PDE4A: variants seen among roughly 807,000 people sequenced by gnomAD.
PDE4A encodes 3',5'-cyclic-AMP phosphodiesterase 4A.
A neutral mutation model predicts 73.9 loss-of-function variants in PDE4A; 21 were observed. The observed-to-expected ratio is 0.28, with a 90% confidence interval of 0.20 to 0.41. The LOEUF is 0.41. Among genes scored for constraint, PDE4A ranks in the 10% least tolerant of loss-of-function variants. PDE4A has a pLI of 1.00. For missense variants in PDE4A, 958 were observed against 1,211.4 expected (o/e 0.79, Z 3.10); for synonymous variants, 463 against 505.4 (o/e 0.92, Z 1.13).
intron 4 of PDE4A, among the ~76,000 whole-genome samples, chr19:10,449,931 A>G (rs1427911672): frequency 1.8e-5 from 2 of 112,376 alleles, no homozygotes; most frequent in African/African-American, 3.1e-5. Flanking sequence ...CCCTGTCTCT[A>G]AAAAAAAAAA....
rs74505974 is a variant in PDE4A at position 10,458,386 on chromosome 19, C to G, written c.1101+284C>G. ...GCTGTGAGCCTTAGCAGGCAACACT[C>G]CCAGCTGCAGAGGGATTGGTGTACA... On this transcript the variant is annotated intron_variant, in intron 8 of 14. Transcript: ENST00000380702. This position sits in a 1 kb window ranked among gnomAD's most constrained non-coding sequence, Gnocchi z 4.6. Among the ~76,000 whole-genome samples, 16,913 of 152,200 alleles carry G rather than the reference C, an allele frequency of 0.11. 1,085 individuals are homozygous for G. The highest frequency in any genetic ancestry group is 0.2 in the South Asian group (983 of 4,824).
chr19:10,454,267 C>T (rs1599442181), intron 6 of PDE4A, among the ~76,000 whole-genome samples: 1 of 152,176 alleles, frequency 6.6e-6, no homozygotes, highest in African/African-American at 2.4e-5. Flanking sequence ...ACCTTTTTGT[C>T]CCCCAGAGCT....
In PDE4A at chr19:10,467,226, C is replaced by G. The variant is rs200818903; in HGVS notation, c.2266C>G (p.Pro756Ala). 1.9e-6 allele frequency: 3 copies of G among 1,614,166 alleles called. No homozygotes were observed. Among genetic ancestry groups the G allele is most frequent in the African/African-American group, 2.7e-5 (2 of 75,058 alleles). ...TGCAACCATAGCCTGGGAGGCATCC[C>G]CGGCCCAGGAGTCGTTGGAAGTTAT... ...LDATIAWEAS[P>A]AQESLEVMAQ... Residue 756 changes from proline (P) to alanine (A), a missense_variant, in exon 15 of 15, where the codon CCG (proline) becomes GCG (alanine). Physicochemically the swap from Pro to Ala is conservative, Grantham distance 27 (BLOSUM62 -1). Around this residue, in one of 3 missense-constraint regions of PDE4A, gnomAD observed 243 missense variants for 245.9 expected, o/e 0.99. Coordinates refer to ENST00000380702, the MANE Select transcript of PDE4A (RefSeq NM_001111307.2).
chr19:10,430,977 C>T (rs1217447024), intron 1 of PDE4A: 5 of 1,555,464 alleles, frequency 3.2e-6, no homozygotes, highest in African/African-American at 2.8e-5. Flanking sequence ...CCCGCGTTCG[C>T]CGCCCTCCTC....
upstream of PDE4A, chr19:10,416,960 T>G (rs978215092): frequency 1.3e-4 from 200 of 1,545,064 alleles, no homozygotes; most frequent in Non-Finnish European, 1.6e-4. Context: ...GGAGTCGCAG[T>G]GCCCTGTCCG....
At chr19:10,430,689 G>T (rs1192656288) in intron 1 of PDE4A, among the ~76,000 whole-genome samples, 2 of 151,590 alleles carry the variant, frequency 1.3e-5, no homozygotes, top group African/African-American at 2.4e-5. Flanking sequence ...GACCCGCCCC[G>T]CCCTGGGGGC....
intron 1 of PDE4A, among the ~76,000 whole-genome samples, chr19:10,431,912 G>T (rs1168665909): frequency 1.3e-5 from 2 of 152,092 alleles, no homozygotes; most frequent in African/African-American, 4.8e-5. Context: ...CTCCACTTCT[G>T]TCTCTTCTGT....
chr19:10,419,541 G>T (rs1273710544), upstream of PDE4A: 4 of 152,320 alleles, frequency 2.6e-5, no homozygotes, highest in Non-Finnish European at 5.9e-5. Flanking sequence ...TTTAGAAGAG[G>T]CAGCGATGTA....
chr19:10,439,497 T>C (rs911959170), intron 1 of PDE4A, among the ~76,000 whole-genome samples: 12 of 152,094 alleles, frequency 7.9e-5, no homozygotes, highest in African/African-American at 2.9e-4. Context: ...ACATTTTTGA[T>C]TGGGGTTACA....
At chr19:10,452,329 C>A (rs1001220769) in intron 6 of PDE4A, among the ~76,000 whole-genome samples, 1 of 151,504 alleles carries the variant, frequency 6.6e-6, no homozygotes, top group Non-Finnish European at 1.5e-5. Context: ...CCCAACTACT[C>A]TGGAGGCTGA....
Position 10,467,455 on chromosome 19 carries a change from A to G in PDE4A, c.2495A>G (p.His832Arg). Reference sequence around the variant, plus strand: ...TGGAGGACCCTGTCTGTTTCAGAGCATGCCCCGGGCCTCCCGGGCCTCCCC... The same window carrying G: ...TGGAGGACCCTGTCTGTTTCAGAGCGTGCCCCGGGCCTCCCGGGCCTCCCC... Reference protein sequence around the residue: ...PAWRTLSVSEHAPGLPGLPST... With the variant: ...PAWRTLSVSERAPGLPGLPST... The change falls in exon 15 of 15, where the codon CAT (histidine) becomes CGT (arginine). Residue 832 changes from histidine (H) to arginine (R), a missense_variant. Coordinates refer to ENST00000380702, the MANE Select transcript of PDE4A (RefSeq NM_001111307.2). The G allele has an allele frequency of 6.2e-7, 1 of 1,613,434 alleles. No individual in the cohort carries two copies. Among genetic ancestry groups the G allele is most frequent in the Non-Finnish European group, 8.5e-7 (1 of 1,179,770 alleles).
At chr19:10,433,642 G>C (rs564557674) in intron 1 of PDE4A, among the ~76,000 whole-genome samples, 3 of 152,122 alleles carry the variant, frequency 2.0e-5, no homozygotes, top group Non-Finnish European at 2.9e-5. Flanking sequence ...TGTGATGCCC[G>C]GGGGCACACA....
intron 1 of PDE4A, chr19:10,428,711 T>C: frequency 1.1e-6 from 1 of 911,408 alleles, no homozygotes; most frequent in Non-Finnish European, 1.3e-6. Flanking sequence ...ATGAAGTGAC[T>C]AGCCCGAGAT....
At chr19:10,416,873 T>G, upstream of PDE4A, 5 of 1,534,224 alleles carry the variant, frequency 3.3e-6, no homozygotes, top group Non-Finnish European at 4.4e-6. Context: ...GCGTTTGGCT[T>G]GGTCTTGTAG....
chr19:10,444,404 A>G (rs1253691958), intron 1 of PDE4A, among the ~76,000 whole-genome samples: 1 of 152,028 alleles, frequency 6.6e-6, no homozygotes, highest in Non-Finnish European at 1.5e-5. Context: ...AGACTAAGGC[A>G]GGAAAATCGC....
At chr19:10,450,764 T>C in intron 5 of PDE4A, 65 bp from the exon 6 acceptor site, 1 of 1,576,486 alleles carries the variant, frequency 6.3e-7, no homozygotes, top group Non-Finnish European at 8.6e-7. Flanking sequence ...GTCACGGCGG[T>C]CTGGAGCCTC....
intron 14 of PDE4A, 150 bp from the exon 15 acceptor site, chr19:10,466,737 G>T (rs1002531549): frequency 3.8e-5 from 47 of 1,227,848 alleles, no homozygotes; most frequent in Non-Finnish European, 5.2e-5. Context: ...CAAATGATCC[G>T]ACTGCCTCAG....
At position 10,453,682 on chromosome 19, in the gene PDE4A, C is replaced by T. The variant is rs990858371; in HGVS notation, c.784-1147C>T. On this transcript the variant is annotated intron_variant, in intron 6 of 14. Coordinates refer to ENST00000380702, the MANE Select transcript of PDE4A (RefSeq NM_001111307.2). This position sits in a 1 kb window ranked among gnomAD's most constrained non-coding sequence, Gnocchi z 4.6. ...TGGTGTTGTGTGTTGGGTTGTGTGT[C>T]TGAGCCCAGAGCTGCCTGATATTTT... is the stretch of plus-strand genomic sequence containing the variant. 2.0e-5 allele frequency among the ~76,000 whole-genome samples: 3 copies of T among 152,078 alleles called. No individual in the cohort carries two copies. Among genetic ancestry groups the T allele is most frequent in the African/African-American group, 7.2e-5 (3 of 41,402 alleles).
chr19:10,445,387 A>G (rs1393093963), intron 1 of PDE4A, among the ~76,000 whole-genome samples: 1 of 152,224 alleles, frequency 6.6e-6, no homozygotes, highest in Non-Finnish European at 1.5e-5. Flanking sequence ...CCAGCACAGC[A>G]GTGGGGATGG....
Sources: gnomAD v4.1 joint callset for allele counts (sites outside exome capture counted in the v4.1 genomes callset) on GRCh38, gnomAD v4.1.1 for gene constraint, gnomAD v4.1.1 regional missense constraint, Gnocchi (gnomAD v3.1) non-coding constraint, MANE v1.5 for transcripts, NCBI Gene and HGNC (gene_info 2026-07-23, HGNC 2026-07-21) for gene names.